GLIS3: variants seen among roughly 807,000 people sequenced by gnomAD.
The protein encoded by GLIS3 is GLIS family zinc finger 3.
In GLIS3, 53 loss-of-function variants were observed where a neutral mutation model predicts 78.6. The ratio of observed to expected loss-of-function variants is 0.67; its 90% CI spans 0.54 to 0.85. The LOEUF is 0.85. GLIS3 is among the 40% of genes least tolerant of loss of function. The probability of loss-of-function intolerance (pLI) is 0.00; values close to 1 mark genes in which losing one functional copy is unlikely to be tolerated. For synonymous variants in GLIS3, 684 were observed against 509.9 expected (o/e 1.34, Z -4.60); for missense variants, 1,703 against 1,231.1 (o/e 1.38, Z -5.74).
chr9:4,197,549 G>A (rs1563739691), intron 2 of GLIS3, among the ~76,000 whole-genome samples: 1 of 152,076 alleles, frequency 6.6e-6, no homozygotes, highest in Non-Finnish European at 1.5e-5. Flanking sequence ...CTGGGCATTT[G>A]GTGTCCGCCC....
intron 4 of GLIS3, among the ~76,000 whole-genome samples, chr9:4,075,967 T>C (rs149033296): frequency 3.3e-5 from 5 of 152,180 alleles, no homozygotes; most frequent in South Asian, 2.1e-4. Flanking sequence ...AACAGAAGGA[T>C]TGACTGCAAA....
the GLIS3 span, among the ~76,000 whole-genome samples, chr9:4,432,419 C>T: frequency 2.6e-5 from 4 of 152,054 alleles, no homozygotes; most frequent in East Asian, 3.9e-4. Flanking sequence ...GCTGAGTAAG[C>T]GCATGTAGTT....
intron 2 of GLIS3, among the ~76,000 whole-genome samples, chr9:4,254,047 G>A (rs934541990): frequency 4.6e-5 from 7 of 152,112 alleles, no homozygotes; most frequent in African/African-American, 1.7e-4. Context: ...TTCCTATTTG[G>A]CCATCTTGCC....
At chr9:4,001,789 A>G (rs1821137875) in intron 4 of GLIS3, among the ~76,000 whole-genome samples, 1 of 152,214 alleles carries the variant, frequency 6.6e-6, no homozygotes, top group African/African-American at 2.4e-5. Context: ...ACAGGACAGC[A>G]AGTAATGATC....
chr9:4,275,439 T>C (rs189487910), intron 2 of GLIS3, among the ~76,000 whole-genome samples: 28 of 152,208 alleles, frequency 1.8e-4, no homozygotes, highest in African/African-American at 6.3e-4. Flanking sequence ...TGGGGTCCTA[T>C]TCAGTGTAAA....
At chr9:4,252,579 G>C (rs1824502641) in intron 2 of GLIS3, among the ~76,000 whole-genome samples, 1 of 152,040 alleles carries the variant, frequency 6.6e-6, no homozygotes, top group Non-Finnish European at 1.5e-5. Context: ...AGAGGAGTTT[G>C]TTATTAGCCA....
chr9:4,301,812 C>G (rs983412975), upstream of GLIS3, among the ~76,000 whole-genome samples: 3 of 152,044 alleles, frequency 2.0e-5, no homozygotes, highest in Non-Finnish European at 4.4e-5. Flanking sequence ...TAATCAATAG[C>G]TCATGGAAAA....
At chr9:4,087,328 G>C (rs1341489323) in intron 4 of GLIS3, among the ~76,000 whole-genome samples, 2 of 152,132 alleles carry the variant, frequency 1.3e-5, no homozygotes, top group Non-Finnish European at 2.9e-5. Context: ...TTTCAAGTGA[G>C]AGCCTTAAAT....
chr9:4,284,592 CA>C (rs927472713), intron 2 of GLIS3, among the ~76,000 whole-genome samples: 15 of 149,032 alleles, frequency 1.0e-4, no homozygotes, highest in Admixed American at 2.0e-4. Flanking sequence ...TAATCTAGAC[CA>C]AAAAAAAAGA....
At chr9:4,031,656 T>C (rs529579324) in intron 4 of GLIS3, among the ~76,000 whole-genome samples, 98 of 152,312 alleles carry the variant, frequency 6.4e-4, no homozygotes, top group African/African-American at 2.2e-3. Flanking sequence ...ACTTCCATTC[T>C]TAAAATGTCG....
At chr9:3,976,843 A>AAAAAAAAAAAAG (rs1818842174) in intron 4 of GLIS3, among the ~76,000 whole-genome samples, 1 of 112,374 alleles carries the variant, frequency 8.9e-6, no homozygotes, top group Non-Finnish European at 1.8e-5. Context: ...AAAAAAAAAA[A>AAAAAAAAAAAAG]TCCACAATCG....
the GLIS3 span, among the ~76,000 whole-genome samples, chr9:4,405,161 C>T: frequency 1.3e-5 from 2 of 151,982 alleles, no homozygotes; most frequent in African/African-American, 4.8e-5. Flanking sequence ...TCGAGATCAA[C>T]CTGACCAACA....
intron 4 of GLIS3, among the ~76,000 whole-genome samples, chr9:3,995,205 A>G (rs1820650307): frequency 6.6e-6 from 1 of 152,194 alleles, no homozygotes; most frequent in African/African-American, 2.4e-5. Context: ...GAGTCTCTTA[A>G]GGATTTTTAA....
chr9:4,391,247 A>G, the GLIS3 span, among the ~76,000 whole-genome samples: 1 of 152,172 alleles, frequency 6.6e-6, no homozygotes, highest in African/African-American at 2.4e-5. Flanking sequence ...CATGGGGGGT[A>G]CCTCACCTCC....
chr9:4,128,192 C>T (rs923567555), intron 2 of GLIS3, among the ~76,000 whole-genome samples: 6 of 152,206 alleles, frequency 3.9e-5, no homozygotes, highest in Non-Finnish European at 7.3e-5. Context: ...TAGTGAGCAC[C>T]TCTGCATCTT....
chr9:3,871,470 CTGCCTGGGT>C (rs1820964996), intron 8 of GLIS3, among the ~76,000 whole-genome samples: 4 of 152,360 alleles, frequency 2.6e-5, no homozygotes, highest in African/African-American at 9.6e-5. Context: ...CAGCAAACTT[CTGCCTGGGT>C]ATCCAGGCAT....
intron 6 of GLIS3, among the ~76,000 whole-genome samples, chr9:3,904,255 G>C (rs1823513475): frequency 6.6e-6 from 1 of 152,170 alleles, no homozygotes; most frequent in Non-Finnish European, 1.5e-5. Flanking sequence ...TTTAAAAACA[G>C]AAGATTATCC....
intron 4 of GLIS3, among the ~76,000 whole-genome samples, chr9:4,110,409 AATC>A (rs1831114600): frequency 6.6e-6 from 1 of 152,186 alleles, no homozygotes; most frequent in Non-Finnish European, 1.5e-5. Flanking sequence ...TTTTTAAACT[AATC>A]ATTTAAAAAA....
At chr9:4,370,280 C>T in the GLIS3 span, among the ~76,000 whole-genome samples, 1 of 152,030 alleles carries the variant, frequency 6.6e-6, no homozygotes, top group South Asian at 2.1e-4. Context: ...CCCTCCCCTT[C>T]CATGTGACAG....
Sources: allele counts gnomAD v4.1 joint callset (sites outside exome capture counted in the v4.1 genomes callset), GRCh38; gene constraint gnomAD v4.1.1; transcripts MANE v1.5; gene names NCBI Gene and HGNC (gene_info 2026-07-23, HGNC 2026-07-21).